LHPP: variants seen among roughly 807,000 people sequenced by gnomAD.
LHPP encodes hLHPP.
A neutral mutation model predicts 30.3 loss-of-function variants in LHPP; 24 were observed. The observed-to-expected ratio is 0.79, with a 90% CI of 0.57 to 1.11. LHPP has a LOEUF of 1.11. Ranked by LOEUF, LHPP falls within the 50% of genes most tolerant of loss-of-function variation. LHPP has a pLI of 0.00. For synonymous variants in LHPP, 150 were observed against 157.1 expected (o/e 0.95, Z 0.34); for missense variants, 356 against 367.2 (o/e 0.97, Z 0.25).
intron 6 of LHPP, among the ~76,000 whole-genome samples, chr10:124,608,199 G>C (rs1430470316): frequency 2.0e-5 from 3 of 152,042 alleles, no homozygotes; most frequent in African/African-American, 7.2e-5. Flanking sequence ...CCTGTGCCGG[G>C]CTTCCTCCCC....
In LHPP at chr10:124,496,780, C is replaced by T. The variant is rs1037196365; in HGVS notation, c.468-181C>T. 1.3e-5 allele frequency among the ~76,000 whole-genome samples: 2 copies of T among 152,240 alleles called. No homozygotes were observed. The highest frequency in any genetic ancestry group is 2.4e-5 in the African/African-American group (1 of 41,466). ...CGCCCCACTGGGTGTGGCGGCCTGC[C>T]GCCCGGCTCTGTGGTGCTGGTCCCC... is the stretch of plus-strand genomic sequence containing the variant. On this transcript the variant is annotated intron_variant, in intron 3 of 6. Coordinates refer to ENST00000368842, the MANE Select transcript of LHPP (RefSeq NM_022126.4). The surrounding 1 kb of genome is among the most constrained non-coding windows in gnomAD (Gnocchi z 4.3).
At chr10:124,581,561 C>T (rs1425727556) in intron 6 of LHPP, among the ~76,000 whole-genome samples, 1 of 152,128 alleles carries the variant, frequency 6.6e-6, no homozygotes, top group Non-Finnish European at 1.5e-5. Flanking sequence ...ATGTCCTTAC[C>T]AACGCTTCTT....
At chr10:124,488,636 A>C (rs937944011) in intron 3 of LHPP, 61 bp downstream of exon 3, 1 of 1,483,828 alleles carries the variant, frequency 6.7e-7, no homozygotes, top group African/African-American at 1.4e-5. Context: ...GCCAGTCTCC[A>C]ACTTGCGGAA....
intron 6 of LHPP, among the ~76,000 whole-genome samples, chr10:124,580,525 C>T (rs1383172491): frequency 6.6e-6 from 1 of 152,128 alleles, no homozygotes; most frequent in Non-Finnish European, 1.5e-5. Context: ...CACCTTTTCT[C>T]TCACTGACTT....
intron 5 of LHPP, among the ~76,000 whole-genome samples, chr10:124,513,754 C>T (rs1954377139): frequency 6.7e-6 from 1 of 149,956 alleles, no homozygotes; most frequent in African/African-American, 2.5e-5. Flanking sequence ...CCACTCCCAG[C>T]TGTTTTTTCT....
Position 124,461,841 on chromosome 10 carries a change from C to G in LHPP, c.-22C>G. 1 of 1,234,148 alleles carries G rather than the reference C, an allele frequency of 8.1e-7. No homozygotes were observed. The allele number at this position is 1,234,148 out of a possible 1,614,324, so 76.4% of individuals were successfully genotyped here. A position where few individuals can be genotyped will look rare whatever the true frequency, so the allele number is the denominator to read the frequency against. On this transcript the variant is annotated 5_prime_UTR_variant, in exon 1 of 7. Transcript: ENST00000368842. ...CGCCGGCGTCGGTTGGGACGCGGAG[C>G]TGAGGAGCAGGGCCGGGCGCCATGG... is the stretch of plus-strand genomic sequence containing the variant.
intron 6 of LHPP, among the ~76,000 whole-genome samples, chr10:124,524,146 A>G (rs1475172612): frequency 1.3e-5 from 2 of 152,126 alleles, no homozygotes; most frequent in Admixed American, 6.6e-5. Context: ...CCACAATTTT[A>G]TAACATTTCA....
At chr10:124,498,165 A>AGCCCCGTCTGGGAGGCC in intron 5 of LHPP, 37 bp downstream of exon 5, 1 of 1,542,504 alleles carries the variant, frequency 6.5e-7, no homozygotes, top group Non-Finnish European at 9.0e-7. Context: ...CAGGGGAGGC[A>AGCCCCGTCTGGGAGGCC]GCCCCGTCAG....
At chr10:124,484,666 GAGAC>G (rs1278311772) in intron 2 of LHPP, among the ~76,000 whole-genome samples, 2 of 90,286 alleles carry the variant, frequency 2.2e-5, no homozygotes, top group African/African-American at 4.3e-5. Flanking sequence ...TGTTGAGAAA[GAGAC>G]AGAGAGAGAG....
intron 6 of LHPP, among the ~76,000 whole-genome samples, chr10:124,603,863 C>A (rs1949059473): frequency 6.6e-6 from 1 of 152,224 alleles, no homozygotes; most frequent in South Asian, 2.1e-4. Context: ...GGACACGGGC[C>A]TGAGGGCTGA....
At position 124,588,940 on chromosome 10, in the gene LHPP, T is replaced by C. The variant is rs370832098; in HGVS notation, c.717-24324T>C. ...TTAGGGAAAACCAGACGTCAGTTTC[T>C]TGACCAGCCACAGCCGGTGCAGCGC... On this transcript the variant is annotated intron_variant, in intron 6 of 6. Coordinates refer to ENST00000368842, the MANE Select transcript of LHPP (RefSeq NM_022126.4). Among the ~76,000 whole-genome samples the C allele has an allele frequency of 7.2e-5, 11 of 152,350 alleles. 1 individual carries two copies. Among genetic ancestry groups the C allele is most frequent in the African/African-American group, 2.6e-4 (11 of 41,582 alleles).
At position 124,593,842 on chromosome 10, in the gene LHPP, G is replaced by A. The variant is rs1004218510; in HGVS notation, c.717-19422G>A. On this transcript the variant is annotated intron_variant, in intron 6 of 6. Coordinates refer to ENST00000368842, the MANE Select transcript of LHPP (RefSeq NM_022126.4). The surrounding 1 kb of genome is among the most constrained non-coding windows in gnomAD (Gnocchi z 4.9). ...TCCATAAGGTACTGATATGGTCTGCGGAGCAGGTGGCATTTGCCATGCCTG... is the reference window on the plus strand; with the variant it reads ...TCCATAAGGTACTGATATGGTCTGCAGAGCAGGTGGCATTTGCCATGCCTG... Among the ~76,000 whole-genome samples the A allele has an allele frequency of 6.6e-5, 10 of 152,370 alleles. No homozygotes were observed. The South Asian group carries it at 1.2e-3, about 19-fold the overall frequency.
rs367997191 is a variant in LHPP, at chr10:124,522,103, C to T, written c.716+4832C>T. ...AGGGAAAGTTTTGCAGGGCCTGCTC[C>T]CCAGGAAAGCATCATCCCCGGGCAG... On this transcript the variant is annotated intron_variant, in intron 6 of 6. Coordinates refer to ENST00000368842, the MANE Select transcript of LHPP (RefSeq NM_022126.4). Among the ~76,000 whole-genome samples, 20 of 152,276 alleles carry T rather than the reference C, an allele frequency of 1.3e-4. No homozygotes were observed. The East Asian group carries it at 1.5e-3, about 12-fold the overall frequency.
At chr10:124,573,971 C>T (rs1948622246) in intron 6 of LHPP, among the ~76,000 whole-genome samples, 1 of 152,132 alleles carries the variant, frequency 6.6e-6, no homozygotes, top group Admixed American at 6.5e-5. Context: ...CCACAGCCTC[C>T]AGGGACCTGG....
At chr10:124,469,317 ATTC>A (rs373015882) in intron 1 of LHPP, among the ~76,000 whole-genome samples, 28 of 152,128 alleles carry the variant, frequency 1.8e-4, no homozygotes, top group African/African-American at 5.1e-4. Flanking sequence ...CACTGTCACC[ATTC>A]TTCTTCTTGG....
chr10:124,576,013 C>T lies in LHPP; in HGVS notation c.717-37251C>T, dbSNP rs1184917680. 1.3e-5 allele frequency among the ~76,000 whole-genome samples: 2 copies of T among 152,146 alleles called. No homozygotes were observed. Among genetic ancestry groups the T allele is most frequent in the Non-Finnish European group, 2.9e-5 (2 of 68,024 alleles). On this transcript the variant is annotated intron_variant, in intron 6 of 6. Transcript: ENST00000368842. The surrounding 1 kb of genome is among the most constrained non-coding windows in gnomAD (Gnocchi z 4.2). ...GGGGCCTGCTGTGATACATACTAAT[C>T]AGTGCTTCATGAGAAAGGTATGAGC...
At position 124,613,252 on chromosome 10, in the gene LHPP, C is replaced by T; in HGVS notation, c.717-12C>T. 1 of 1,607,694 alleles carries T rather than the reference C, an allele frequency of 6.2e-7. No homozygotes were observed. Among genetic ancestry groups the T allele is most frequent in the Non-Finnish European group, 8.5e-7 (1 of 1,174,998 alleles). ...GTGGGGGCACTGACTAACCTCCGGC[C>T]ATCCTCTCCAGGCCCAGTGACGAGC... On this transcript the variant is annotated splice_polypyrimidine_tract_variant and intron_variant, in intron 6 of 6. Transcript: ENST00000368842.
chr10:124,505,579 A>G (rs1954039070), intron 5 of LHPP, among the ~76,000 whole-genome samples: 1 of 152,252 alleles, frequency 6.6e-6, no homozygotes, highest in Non-Finnish European at 1.5e-5. Context: ...TGGAAATTCA[A>G]ACCTCTTAGA....
intron 1 of LHPP, among the ~76,000 whole-genome samples, chr10:124,463,696 A>G (rs746187802): frequency 5.3e-5 from 8 of 150,044 alleles, no homozygotes; most frequent in Non-Finnish European, 8.9e-5. Context: ...TTTTTTTGAG[A>G]CAAGGTCTCA....
Sources: allele counts gnomAD v4.1 joint callset (sites outside exome capture counted in the v4.1 genomes callset), GRCh38; gene constraint gnomAD v4.1.1; non-coding constraint Gnocchi (gnomAD v3.1); transcripts MANE v1.5; gene names NCBI Gene and HGNC (gene_info 2026-07-23, HGNC 2026-07-21).